The following KIAA1958 variants were observed in gnomAD, a reference collection of about 807,000 sequenced individuals.
The protein encoded by KIAA1958 is KIAA1958.
Under a neutral mutation model 47.2 loss-of-function variants are expected in KIAA1958, and 14 were observed. That is an observed-to-expected ratio of 0.30 (90% confidence interval 0.20 to 0.46). The LOEUF (loss-of-function observed/expected upper bound fraction) is 0.46. Ranked by LOEUF, KIAA1958 falls within the 20% of genes least tolerant of loss-of-function variation. The probability of loss-of-function intolerance (pLI) is 1.00; values close to 1 mark genes in which losing one functional copy is unlikely to be tolerated. For synonymous variants in KIAA1958, 354 were observed against 353.3 expected (o/e 1.00, Z -0.02); for missense variants, 803 against 909.2 (o/e 0.88, Z 1.50).
intron 1 of KIAA1958, among the ~76,000 whole-genome samples, chr9:112,515,261 G>C (rs1396950535): frequency 9.1e-6 from 1 of 109,380 alleles, no homozygotes; most frequent in African/African-American, 3.2e-5. Context: ...GAGGGAGGTG[G>C]GGGGGTCAGC....
chr9:112,517,459 G>A (rs1834457765), intron 1 of KIAA1958, among the ~76,000 whole-genome samples: 1 of 152,090 alleles, frequency 6.6e-6, no homozygotes, highest in Non-Finnish European at 1.5e-5. Flanking sequence ...ACGGATGATA[G>A]GATTAATATA....
At chr9:112,545,541 A>G (rs1185583716) in intron 1 of KIAA1958, among the ~76,000 whole-genome samples, 1 of 152,132 alleles carries the variant, frequency 6.6e-6, no homozygotes, top group Non-Finnish European at 1.5e-5. Context: ...AAATGATCAT[A>G]TTTTACTTGA....
At chr9:112,563,190 A>G (rs1475670775) in intron 1 of KIAA1958, among the ~76,000 whole-genome samples, 1 of 151,674 alleles carries the variant, frequency 6.6e-6, no homozygotes, top group African/African-American at 2.4e-5. Flanking sequence ...TTGGCCTCCC[A>G]AAGTATTGGG....
In KIAA1958 at chr9:112,556,370, A is replaced by G. The variant is rs191083678; in HGVS notation, c.-24-17687A>G. 7.2e-5 allele frequency among the ~76,000 whole-genome samples: 11 copies of G among 152,278 alleles called. No individual in the cohort carries two copies. In the East Asian group the frequency reaches 9.7e-4, roughly 13 times the overall value. On this transcript the variant is annotated intron_variant, in intron 1 of 3. Transcript: ENST00000337530. ...TTGAAGGGCACTGGGGTTCGGTTTG[A>G]AAGTTTTGCTACCAAATACACATGC...
chr9:112,502,969 T>C (rs1373518910), intron 1 of KIAA1958, among the ~76,000 whole-genome samples: 1 of 152,212 alleles, frequency 6.6e-6, no homozygotes, highest in African/African-American at 2.4e-5. Flanking sequence ...CCAACAAATA[T>C]CTAATGGGTA....
intron 2 of KIAA1958, among the ~76,000 whole-genome samples, chr9:112,620,912 A>G (rs1273588726): frequency 6.6e-6 from 1 of 152,230 alleles, no homozygotes; most frequent in Non-Finnish European, 1.5e-5. Context: ...TTCTTCAGAC[A>G]TATTGCAGTA....
In KIAA1958 at chr9:112,659,430, C is replaced by A. The variant is rs1837219109; in HGVS notation, c.1512C>A (p.Ser504Arg). ...VGFSITSSTF[S>R]SSTKKLKEKL... Reference sequence around the variant, plus strand: ...TTTCCATCACCAGCAGCACCTTCAGCTCCTCCACCAAGAAACTCAAGGAGA... The same window carrying A: ...TTTCCATCACCAGCAGCACCTTCAGATCCTCCACCAAGAAACTCAAGGAGA... The change falls in exon 4 of 4, where the codon AGC (serine) becomes AGA (arginine). Residue 504 changes from serine to arginine, a missense_variant. Physicochemically the swap from Ser to Arg is moderately radical, Grantham distance 110. Around this residue, in one of 2 missense-constraint regions of KIAA1958, gnomAD observed 761 missense variants for 829.3 expected, o/e 0.92. Transcript: ENST00000337530. 1 of 1,614,032 alleles carries A rather than the reference C, an allele frequency of 6.2e-7. No homozygotes were observed. Among genetic ancestry groups the A allele is most frequent in the Non-Finnish European group, 8.5e-7 (1 of 1,180,018 alleles).
chr9:112,576,681 T>A (rs1038717721), intron 2 of KIAA1958, among the ~76,000 whole-genome samples: 1 of 152,214 alleles, frequency 6.6e-6, no homozygotes, highest in Non-Finnish European at 1.5e-5. Context: ...GTTTCTTTCC[T>A]TTTTATTGCC....
intron 2 of KIAA1958, among the ~76,000 whole-genome samples, chr9:112,600,380 A>G (rs1333420537): frequency 1.3e-5 from 2 of 152,172 alleles, no homozygotes; most frequent in African/African-American, 4.8e-5. Flanking sequence ...CTGCAATGTT[A>G]CGTCTCTTTT....
At chr9:112,544,435 ATT>A (rs1834995408) in intron 1 of KIAA1958, among the ~76,000 whole-genome samples, 1 of 152,182 alleles carries the variant, frequency 6.6e-6, no homozygotes, top group South Asian at 2.1e-4. Flanking sequence ...CATCTATCTT[ATT>A]TAATGCTGTA....
At chr9:112,619,846 A>T (rs762491574) in intron 2 of KIAA1958, among the ~76,000 whole-genome samples, 190 of 152,332 alleles carry the variant, frequency 1.2e-3, no homozygotes, top group South Asian at 2.5e-3. Context: ...ATCTAGAAGC[A>T]GTAGTCGAGA....
rs915666602 is a variant in KIAA1958, at chr9:112,557,722, G to A, written c.-24-16335G>A. On this transcript the variant is annotated intron_variant, in intron 1 of 3. Transcript: ENST00000337530. ...AAGTAGCTGTAGGAATCTGAGGTAG[G>A]TCAACGCTGAGAAATCTGTAAATGT... Among the ~76,000 whole-genome samples, 5 of 152,224 alleles carry A rather than the reference G, an allele frequency of 3.3e-5. No homozygotes were observed. The East Asian group carries it at 9.6e-4, about 29-fold the overall frequency.
rs868162997 is a variant in KIAA1958 at position 112,664,178 on chromosome 9, C to T, written c.*4109C>T. ...AGATAGTTAGTCTCCTAATTAAGTG[C>T]TTCTCACTATATTGGGATGCCTTCT... On this transcript the variant is annotated 3_prime_UTR_variant, in exon 4 of 4. Transcript: ENST00000337530. The T allele has an allele frequency of 6.6e-6, 1 of 152,364 alleles. No individual in the cohort carries two copies. 9.4% of individuals were successfully genotyped at this position (152,364 alleles called of 1,614,324 possible).
At chr9:112,592,250 A>G (rs1373535909) in intron 2 of KIAA1958, among the ~76,000 whole-genome samples, 1 of 152,212 alleles carries the variant, frequency 6.6e-6, no homozygotes, top group Non-Finnish European at 1.5e-5. Context: ...ATTCTTTGAA[A>G]AGAAATTTAG....
At chr9:112,636,397 C>T (rs1836805195) in intron 2 of KIAA1958, among the ~76,000 whole-genome samples, 1 of 151,966 alleles carries the variant, frequency 6.6e-6, no homozygotes, top group Non-Finnish European at 1.5e-5. Context: ...CAATTAAGTC[C>T]AGTTTGATAT....
chr9:112,576,213 AAAG>A (rs1394623712), intron 2 of KIAA1958, among the ~76,000 whole-genome samples: 1 of 152,206 alleles, frequency 6.6e-6, no homozygotes, highest in African/African-American at 2.4e-5. Flanking sequence ...TAAGATTCCC[AAAG>A]AAGACCTTTC....
At chr9:112,530,780 A>G (rs1214817528) in intron 1 of KIAA1958, among the ~76,000 whole-genome samples, 1 of 152,180 alleles carries the variant, frequency 6.6e-6, no homozygotes, top group Admixed American at 6.5e-5. Context: ...CAGTGATTAT[A>G]TATTCTGAGT....
At chr9:112,587,741 T>A (rs1835850520) in intron 2 of KIAA1958, among the ~76,000 whole-genome samples, 1 of 152,172 alleles carries the variant, frequency 6.6e-6, no homozygotes, top group Non-Finnish European at 1.5e-5. Context: ...TATATGGCAA[T>A]CAATAAAACA....
At chr9:112,587,191 C>T (rs1367894388) in intron 2 of KIAA1958, among the ~76,000 whole-genome samples, 1 of 152,028 alleles carries the variant, frequency 6.6e-6, no homozygotes, top group East Asian at 1.9e-4. Flanking sequence ...ACTCTGTCTC[C>T]CAGACTGGAG....
Sources: allele counts gnomAD v4.1 joint callset (sites outside exome capture counted in the v4.1 genomes callset), GRCh38; gene constraint gnomAD v4.1.1; regional missense constraint gnomAD v4.1.1; transcripts MANE v1.5; gene names NCBI Gene and HGNC (gene_info 2026-07-23, HGNC 2026-07-21).